Variants in KDM4C observed in about 807,000 individuals in gnomAD.
The protein encoded by KDM4C is lysine-specific demethylase 4C.
A neutral mutation model predicts 129.3 loss-of-function variants in KDM4C; 81 were observed. The ratio of observed to expected loss-of-function variants is 0.63; its 90% confidence interval spans 0.52 to 0.75. The LOEUF (loss-of-function observed/expected upper bound fraction) is 0.75. KDM4C is among the 30% of genes least tolerant of loss of function. The pLI, the probability that KDM4C is intolerant of heterozygous loss-of-function variation, is 0.00. For synonymous variants in KDM4C, 573 were observed against 456.1 expected (o/e 1.26, Z -3.26); for missense variants, 1,457 against 1,304.0 (o/e 1.12, Z -1.81).
chr9:6,856,278 A>G (rs890496680), intron 5 of KDM4C, among the ~76,000 whole-genome samples: 2 of 152,006 alleles, frequency 1.3e-5, no homozygotes, highest in South Asian at 2.1e-4. Flanking sequence ...TAATTTTTCT[A>G]TTTAGTAACT....
chr9:6,813,853 T>A (rs1333779149), intron 3 of KDM4C, among the ~76,000 whole-genome samples: 1 of 152,208 alleles, frequency 6.6e-6, no homozygotes, highest in African/African-American at 2.4e-5. Flanking sequence ...ACCTGATTTA[T>A]TCACTGTGGA....
At chr9:6,833,562 G>C (rs530273914) in intron 4 of KDM4C, among the ~76,000 whole-genome samples, 1 of 152,270 alleles carries the variant, frequency 6.6e-6, no homozygotes, top group East Asian at 1.9e-4. Flanking sequence ...GTGAGGTCTT[G>C]GCAAGTTATC....
At chr9:7,081,901 G>T (rs79427045) in intron 17 of KDM4C, among the ~76,000 whole-genome samples, 5,577 of 152,148 alleles carry the variant, frequency 0.037, 314 homozygotes, top group African/African-American at 0.13. Flanking sequence ...TCTTGTGCTT[G>T]CTCCTTTAGA....
intron 5 of KDM4C, among the ~76,000 whole-genome samples, chr9:6,872,828 G>T (rs1842974813): frequency 6.6e-6 from 1 of 152,006 alleles, no homozygotes; most frequent in African/African-American, 2.4e-5. Flanking sequence ...AATTCTTAAG[G>T]GTCCTATGAT....
chr9:7,053,923 C>T (rs919087714), intron 17 of KDM4C, among the ~76,000 whole-genome samples: 12 of 152,194 alleles, frequency 7.9e-5, no homozygotes, highest in Non-Finnish European at 7.3e-5. Flanking sequence ...GACTTCATAT[C>T]CAAAAGGGAG....
At chr9:6,995,573 G>A (rs1819537615) in intron 12 of KDM4C, among the ~76,000 whole-genome samples, 1 of 152,098 alleles carries the variant, frequency 6.6e-6, no homozygotes, top group African/African-American at 2.4e-5. Context: ...AAGGTTAAGT[G>A]GTAAAATACA....
At chr9:6,756,742 G>C (rs1818314360), upstream of KDM4C, among the ~76,000 whole-genome samples, 1 of 152,158 alleles carries the variant, frequency 6.6e-6, no homozygotes, top group Non-Finnish European at 1.5e-5. Flanking sequence ...TGTGTGTGTA[G>C]CGGAACTTTG....
intron 15 of KDM4C, among the ~76,000 whole-genome samples, chr9:7,029,084 G>T (rs1826292419): frequency 6.6e-6 from 1 of 152,072 alleles, no homozygotes. Flanking sequence ...CCTCCAGAGG[G>T]GATGATTCGT....
At chr9:6,967,021 C>G (rs549518881) in intron 8 of KDM4C, among the ~76,000 whole-genome samples, 8 of 152,256 alleles carry the variant, frequency 5.3e-5, no homozygotes, top group African/African-American at 1.9e-4. Context: ...GAGGATAAAA[C>G]ATTTGCAAAA....
chr9:7,034,312 T>C (rs1827272806), intron 15 of KDM4C, among the ~76,000 whole-genome samples: 1 of 152,214 alleles, frequency 6.6e-6, no homozygotes. Context: ...CTTAGTCCTA[T>C]CTAGCTGTAA....
rs1832674919 is a variant in KDM4C, at chr9:7,068,002, T to C, written c.2424+18802T>C. On this transcript the variant is annotated intron_variant, in intron 17 of 21. Transcript: ENST00000381309. ...TAGTAGAGACGGGGTTTCACCATTT[T>C]AGTCAGGATGGTCTCGATCTCCTGA... Among the ~76,000 whole-genome samples the C allele has an allele frequency of 2.6e-5, 4 of 152,188 alleles. No individual in the cohort carries two copies. In the South Asian group the frequency reaches 8.3e-4, roughly 32 times the overall value.
chr9:7,001,755 C>G (rs533695881), intron 12 of KDM4C, among the ~76,000 whole-genome samples: 13 of 151,436 alleles, frequency 8.6e-5, no homozygotes, highest in Non-Finnish European at 1.6e-4. Context: ...GTATGGGGAG[C>G]TTCTTTTTCA....
At chr9:6,838,282 A>G (rs1277420977) in intron 4 of KDM4C, among the ~76,000 whole-genome samples, 4 of 152,130 alleles carry the variant, frequency 2.6e-5, no homozygotes, top group Admixed American at 6.6e-5. Flanking sequence ...GGTCTGAACA[A>G]TTTGTTCATT....
At chr9:7,126,140 A>G (rs933334149) in intron 18 of KDM4C, among the ~76,000 whole-genome samples, 9 of 152,102 alleles carry the variant, frequency 5.9e-5, no homozygotes, top group African/African-American at 2.2e-4. Flanking sequence ...TTTCCTTAGC[A>G]TGATGTATAT....
chr9:6,828,341 G>A (rs2131291488), intron 4 of KDM4C, among the ~76,000 whole-genome samples: 1 of 152,038 alleles, frequency 6.6e-6, no homozygotes, highest in South Asian at 2.1e-4. Context: ...TAGAGACGGG[G>A]TTTCACCATG....
chr9:7,064,162 C>G (rs545225118), intron 17 of KDM4C, among the ~76,000 whole-genome samples: 2 of 152,138 alleles, frequency 1.3e-5, no homozygotes, highest in Non-Finnish European at 2.9e-5. Context: ...TCACATGTAA[C>G]CACCCTTAAA....
intron 19 of KDM4C, among the ~76,000 whole-genome samples, chr9:7,158,615 G>C (rs918919528): frequency 1.3e-5 from 2 of 152,174 alleles, no homozygotes; most frequent in Admixed American, 1.3e-4. Context: ...AGTCATTCAG[G>C]AGCAGGTTGT....
At chr9:7,150,217 C>T (rs1179783650) in intron 19 of KDM4C, among the ~76,000 whole-genome samples, 1 of 152,200 alleles carries the variant, frequency 6.6e-6, no homozygotes, top group African/African-American at 2.4e-5. Context: ...TTCTCCCTTT[C>T]ACCTCTTTCT....
chr9:7,096,647 CG>C (rs1408483309), intron 17 of KDM4C, among the ~76,000 whole-genome samples: 4 of 152,120 alleles, frequency 2.6e-5, no homozygotes, highest in African/African-American at 9.7e-5. Flanking sequence ...ACACTTAGCT[CG>C]TATACTGTGA....
Sources: allele counts gnomAD v4.1 joint callset (sites outside exome capture counted in the v4.1 genomes callset), GRCh38; gene constraint gnomAD v4.1.1; transcripts MANE v1.5; gene names NCBI Gene and HGNC (gene_info 2026-07-23, HGNC 2026-07-21).